RAB11FIP1: variants seen among roughly 807,000 people sequenced by gnomAD.
The protein encoded by RAB11FIP1 is rab11 family-interacting protein 1.
A neutral mutation model predicts 83.1 loss-of-function variants in RAB11FIP1; 49 were observed. That is an observed-to-expected ratio of 0.59 (90% confidence interval 0.47 to 0.75). The LOEUF (loss-of-function observed/expected upper bound fraction) is 0.75, where lower values mean the gene tolerates loss of function less well. RAB11FIP1 is among the 30% of genes least tolerant of loss of function. The pLI, the probability that RAB11FIP1 is intolerant of heterozygous loss-of-function variation, is 0.00. For synonymous variants in RAB11FIP1, 670 were observed against 656.0 expected, an observed-to-expected ratio of 1.02 and a Z score of -0.33; for missense variants, 1,536 against 1,598.7, an observed-to-expected ratio of 0.96 and a Z score of 0.67.
rs77269101 is a variant in RAB11FIP1, at chr8:37,872,873, C to A, written c.1929G>T (p.Pro643=). ...KAELQTESLT[P]VPNSGSSALG... is the part of the protein sequence containing the mutation. ...GGGCAGAAGAACCAGAATTTGGAAC[C>A]GGTGTTAAACTCTCAGTTTGCAACT... The change falls in exon 4 of 6, where the codon CCG becomes CCT. Residue 643 remains proline, a synonymous_variant. Transcript: ENST00000330843. 1.6e-3 allele frequency: 2,561 copies of A among 1,614,156 alleles called. 4 individuals are homozygous for A. The highest frequency in any genetic ancestry group is 2.1e-3 in the Non-Finnish European group (2,448 of 1,180,012).
chr8:37,881,510 TA>T (rs1211858813), intron 1 of RAB11FIP1, among the ~76,000 whole-genome samples: 1 of 152,180 alleles, frequency 6.6e-6, no homozygotes, highest in Non-Finnish European at 1.5e-5. Flanking sequence ...TGAGATTACT[TA>T]AAGGCCAGTA....
At chr8:37,866,594 T>C (rs947778936) in intron 5 of RAB11FIP1, among the ~76,000 whole-genome samples, 2 of 151,786 alleles carry the variant, frequency 1.3e-5, no homozygotes, top group Admixed American at 6.6e-5. Flanking sequence ...AAAACGGAAA[T>C]GTTAAAGCCA....
Position 37,871,083 on chromosome 8 carries a change from A to C in RAB11FIP1, c.3524+195T>G. The C allele has an allele frequency of 1.6e-5, 10 of 635,400 alleles. No homozygotes were observed. The South Asian group carries it at 2.2e-4, about 14-fold the overall frequency. 39.4% of individuals were successfully genotyped at this position (635,400 alleles called of 1,614,324 possible). On this transcript the variant is annotated intron_variant, in intron 4 of 5. Transcript: ENST00000330843. ...AATTCCTAAGCTATATTTACAGACT[A>C]CTATTATGTTCTTGCTATAAACGCA...
chr8:37,887,131 A>G (rs1331414737), intron 1 of RAB11FIP1, among the ~76,000 whole-genome samples: 2 of 152,190 alleles, frequency 1.3e-5, no homozygotes, highest in African/African-American at 2.4e-5. Context: ...GTAAATCATG[A>G]GAGTGGCAAA....
chr8:37,874,716 T>A lies in RAB11FIP1; in HGVS notation c.1421A>T (p.Glu474Val). The A allele has an allele frequency of 6.2e-7, 1 of 1,614,016 alleles. No individual in the cohort carries two copies. The highest frequency in any genetic ancestry group is 8.5e-7 in the Non-Finnish European group (1 of 1,180,000). ...EGMLMGVKPGEDASGPAEDLV... is the reference protein window; with the variant it reads ...EGMLMGVKPGVDASGPAEDLV... ...GTCTTCAGCAGGCCCCGATGCGTCCTCCCCCGGCTTAACCCCCATCAGCAT... is the reference window on the plus strand; with the variant it reads ...GTCTTCAGCAGGCCCCGATGCGTCCACCCCCGGCTTAACCCCCATCAGCAT... The change falls in exon 3 of 6, where the codon GAG (glutamate) becomes GTG (valine). Residue 474 changes from glutamate to valine, a missense_variant. Transcript: ENST00000330843.
intron 1 of RAB11FIP1, among the ~76,000 whole-genome samples, chr8:37,884,876 T>C (rs1229641369): frequency 6.6e-6 from 1 of 151,892 alleles, no homozygotes; most frequent in Non-Finnish European, 1.5e-5. Context: ...AGAGATAGGG[T>C]CTTGCTATGC....
chr8:37,872,363 C>G lies in RAB11FIP1; in HGVS notation c.2439G>C (p.Glu813Asp), dbSNP rs1474921666. The G allele has an allele frequency of 3.1e-6, 5 of 1,614,226 alleles. No homozygotes were observed. Among genetic ancestry groups the G allele is most frequent in the Non-Finnish European group, 4.2e-6 (5 of 1,180,038 alleles). ...CCACTGCCTCTTCCGTGAAGAGCTG[C>G]TCAGAAAATGACACACGCTTCTTGG... ...KKTKKRVSFSEQLFTEEAVAG... is the reference protein window; with the variant it reads ...KKTKKRVSFSDQLFTEEAVAG... Residue 813 changes from glutamate (E) to aspartate (D), a missense_variant, in exon 4 of 6, where the codon GAG becomes GAC. Coordinates refer to ENST00000330843, the MANE Select transcript of RAB11FIP1 (RefSeq NM_001002814.3).
At chr8:37,895,371 A>AAAGTGCT (rs1342478854) in intron 1 of RAB11FIP1, among the ~76,000 whole-genome samples, 2 of 135,354 alleles carry the variant, frequency 1.5e-5, no homozygotes, top group African/African-American at 2.8e-5. Flanking sequence ...TCGGCCTCCC[A>AAAGTGCT]AAGTGCTAGG....
chr8:37,877,574 G>A (rs767543067), intron 1 of RAB11FIP1, 23 bp from the exon 2 acceptor site: 2 of 1,522,594 alleles, frequency 1.3e-6, no homozygotes, highest in Non-Finnish European at 1.8e-6. Flanking sequence ...AGGCTGAGGA[G>A]TTACCTTTGA....
At chr8:37,864,473 C>T (rs946989401) in intron 5 of RAB11FIP1, among the ~76,000 whole-genome samples, 1 of 152,216 alleles carries the variant, frequency 6.6e-6, no homozygotes, top group African/African-American at 2.4e-5. Context: ...AACGGTTTCA[C>T]TGCCTACCAG....
chr8:37,873,170 C>T lies in RAB11FIP1; in HGVS notation c.1632G>A (p.Val544=), dbSNP rs143374856. ...QTRAVKPRLE[V]SPEAQPTARL... is the part of the protein sequence containing the mutation. Reference sequence around the variant, plus strand: ...TGGCTGTGGGTTGCGCCTCTGGAGACACTTCCAGTCTGCAAAAAGGACAAA... The same window carrying T: ...TGGCTGTGGGTTGCGCCTCTGGAGATACTTCCAGTCTGCAAAAAGGACAAA... The change falls in exon 4 of 6, where the codon GTG becomes GTA. Residue 544 remains valine (V), a synonymous_variant. Coordinates refer to ENST00000330843, the MANE Select transcript of RAB11FIP1 (RefSeq NM_001002814.3). 33 of 1,585,952 alleles carry T rather than the reference C, an allele frequency of 2.1e-5. No homozygotes were observed. Among genetic ancestry groups the T allele is most frequent in the African/African-American group, 2.0e-4 (15 of 73,800 alleles).
intron 2 of RAB11FIP1, among the ~76,000 whole-genome samples, chr8:37,876,427 C>CT (rs1806611751): frequency 6.6e-6 from 1 of 151,332 alleles, no homozygotes; most frequent in Admixed American, 6.6e-5. Flanking sequence ...GACCTCATCT[C>CT]TAAAAAAAAA....
At chr8:37,866,310 G>A (rs889314337) in intron 5 of RAB11FIP1, among the ~76,000 whole-genome samples, 2 of 151,716 alleles carry the variant, frequency 1.3e-5, no homozygotes, top group Non-Finnish European at 2.9e-5. Flanking sequence ...ACTCCAGCAT[G>A]GGCAACAGTG....
intron 5 of RAB11FIP1, among the ~76,000 whole-genome samples, 191 bp downstream of exon 5, chr8:37,870,229 C>G (rs1806423618): frequency 6.6e-6 from 1 of 151,710 alleles, no homozygotes. Flanking sequence ...AATAACTAAA[C>G]AAGTATAAGG....
chr8:37,891,887 G>T (rs1806953918), intron 1 of RAB11FIP1, among the ~76,000 whole-genome samples: 1 of 152,172 alleles, frequency 6.6e-6, no homozygotes, highest in South Asian at 2.1e-4. Flanking sequence ...ACAAGACAAA[G>T]ACTTGGCGGT....
At chr8:37,890,263 G>T (rs1478388000) in intron 1 of RAB11FIP1, among the ~76,000 whole-genome samples, 1 of 152,110 alleles carries the variant, frequency 6.6e-6, no homozygotes, top group Admixed American at 6.5e-5. Flanking sequence ...ATAACCAGAG[G>T]CCTCTTTAGA....
At chr8:37,893,808 T>C (rs1807006465) in intron 1 of RAB11FIP1, among the ~76,000 whole-genome samples, 1 of 151,474 alleles carries the variant, frequency 6.6e-6, no homozygotes, top group Non-Finnish European at 1.5e-5. Context: ...GGATAAACTT[T>C]AGAAACAAGA....
At chr8:37,883,407 T>C (rs2130174858) in intron 1 of RAB11FIP1, among the ~76,000 whole-genome samples, 1 of 152,282 alleles carries the variant, frequency 6.6e-6, no homozygotes, top group African/African-American at 2.4e-5. Flanking sequence ...TGACCTCAGG[T>C]GATCCGCCTG....
intron 1 of RAB11FIP1, among the ~76,000 whole-genome samples, chr8:37,882,034 G>A (rs1015366383): frequency 2.0e-5 from 3 of 152,144 alleles, no homozygotes; most frequent in Non-Finnish European, 2.9e-5. Flanking sequence ...GTTGCTGAAC[G>A]CTAACTGAGG....
Sources: gnomAD v4.1 joint callset for allele counts (sites outside exome capture counted in the v4.1 genomes callset) on GRCh38, gnomAD v4.1.1 for gene constraint, MANE v1.5 for transcripts, NCBI Gene and HGNC (gene_info 2026-07-23, HGNC 2026-07-21) for gene names.